The following SUMF1 variants were observed in gnomAD, a reference collection of about 807,000 sequenced individuals.
SUMF1 encodes formylglycine-generating enzyme.
In SUMF1, 48 loss-of-function variants were observed where a neutral mutation model predicts 47.6. That is an observed-to-expected ratio of 1.01 (90% confidence interval 0.80 to 1.28). The LOEUF is 1.28. Ranked by LOEUF, SUMF1 falls within the 50% of genes most tolerant of loss-of-function variation. The pLI is 0.00. For synonymous variants in SUMF1, 230 were observed against 192.1 expected (o/e 1.20, Z -1.63); for missense variants, 571 against 485.4 (o/e 1.18, Z -1.66).
intron 8 of SUMF1, among the ~76,000 whole-genome samples, chr3:4,185,691 A>C (rs1204941056): frequency 1.3e-5 from 2 of 152,216 alleles, no homozygotes; most frequent in African/African-American, 4.8e-5. Flanking sequence ...ATTATAAATT[A>C]ATAGATCAAT....
chr3:4,136,014 T>C (rs1428162642), intron 8 of SUMF1, among the ~76,000 whole-genome samples: 3 of 151,938 alleles, frequency 2.0e-5, no homozygotes, highest in Non-Finnish European at 2.9e-5. Flanking sequence ...TGCTCATGAG[T>C]AGGAACAATC....
chr3:4,464,412 TTGTG>T (rs10667318), intron 1 of SUMF1, among the ~76,000 whole-genome samples: 39 of 150,616 alleles, frequency 2.6e-4, no homozygotes, highest in African/African-American at 4.1e-4. Flanking sequence ...CTGTGTGTGT[TTGTG>T]TGTGTGTGTG....
At chr3:4,405,954 C>G (rs1559278500) in intron 7 of SUMF1, among the ~76,000 whole-genome samples, 1 of 152,126 alleles carries the variant, frequency 6.6e-6, no homozygotes, top group Non-Finnish European at 1.5e-5. Context: ...GATAAGCCAA[C>G]AAAAGGTAAG....
intron 8 of SUMF1, among the ~76,000 whole-genome samples, chr3:4,269,991 C>G (rs1697271943): frequency 6.6e-6 from 1 of 152,118 alleles, no homozygotes; most frequent in Admixed American, 6.6e-5. Context: ...ATGTCCTAAG[C>G]TTTTTACAGC....
At chr3:4,136,558 T>A (rs1185465003) in intron 8 of SUMF1, among the ~76,000 whole-genome samples, 3 of 152,000 alleles carry the variant, frequency 2.0e-5, no homozygotes, top group Non-Finnish European at 4.4e-5. Flanking sequence ...GACATAGGCA[T>A]GGGCAAGGAC....
intron 8 of SUMF1, among the ~76,000 whole-genome samples, chr3:4,156,315 C>A (rs950155042): frequency 1.3e-5 from 2 of 151,546 alleles, no homozygotes; most frequent in African/African-American, 2.4e-5. Context: ...CTCCTGCCAA[C>A]ACTCCTGTAC....
In SUMF1 at chr3:4,143,722, C is replaced by G. The variant is rs80043066; in HGVS notation, c.1015-74977G>C. 1.2e-3 allele frequency among the ~76,000 whole-genome samples: 178 copies of G among 152,168 alleles called. 3 individuals are homozygous for G. The Middle Eastern group carries it at 0.014, about 12-fold the overall frequency. On this transcript the variant is annotated intron_variant and NMD_transcript_variant, in intron 8 of 12. Coordinates refer to the SUMF1 transcript ENST00000448413. Reference sequence around the variant, plus strand: ...AAACTAGGCCCAGGGAGTTAGGTAACTTTCCCAAGGTCATAAAGCTAAGTG... The same window carrying G: ...AAACTAGGCCCAGGGAGTTAGGTAAGTTTCCCAAGGTCATAAAGCTAAGTG...
In SUMF1 at chr3:4,461,483, C is replaced by T. The variant is rs73807250; in HGVS notation, c.270+5493G>A. The stretch of plus-strand genomic sequence containing the variant: ...CTGTTAGGAGAACAGTTGCTCATCC[C>T]TCAGCTCAAAGGACCACAGGAAGCT... On this transcript the variant is annotated intron_variant, in intron 1 of 8. Transcript: ENST00000272902. 2.4e-3 allele frequency among the ~76,000 whole-genome samples: 364 copies of T among 152,338 alleles called. 2 individuals are homozygous for T. Among genetic ancestry groups the T allele is most frequent in the African/African-American group, 8.3e-3 (347 of 41,578 alleles).
Position 4,102,313 on chromosome 3 carries a change from T to C in SUMF1, c.1015-33568A>G, listed in dbSNP as rs141280318. On this transcript the variant is annotated intron_variant and NMD_transcript_variant, in intron 8 of 12. Transcript: ENST00000448413. ...AAAAGTTTAATATTAGAAGATGTTT[T>C]CTCTGGAAAGCTGTGACAAACAGGT... Among the ~76,000 whole-genome samples the C allele has an allele frequency of 5.1e-4, 78 of 152,302 alleles. No homozygotes were observed. The East Asian group carries it at 0.013, about 25-fold the overall frequency.
At chr3:4,125,283 C>G (rs764463099) in intron 8 of SUMF1, among the ~76,000 whole-genome samples, 1 of 152,000 alleles carries the variant, frequency 6.6e-6, no homozygotes, top group Non-Finnish European at 1.5e-5. Context: ...TACATGTTAC[C>G]GGTTATTACT....
At chr3:4,395,788 C>A (rs1333015356) in intron 7 of SUMF1, among the ~76,000 whole-genome samples, 1 of 152,208 alleles carries the variant, frequency 6.6e-6, no homozygotes, top group Non-Finnish European at 1.5e-5. Context: ...CACTTTCAGA[C>A]CCCAAAGTCT....
chr3:4,240,874 C>A (rs1035948067), intron 8 of SUMF1, among the ~76,000 whole-genome samples: 1 of 151,504 alleles, frequency 6.6e-6, no homozygotes, highest in African/African-American at 2.4e-5. Flanking sequence ...TTTTTTCCTA[C>A]GGAACTGAAG....
At chr3:4,143,436 C>G (rs1341212313) in intron 8 of SUMF1, among the ~76,000 whole-genome samples, 1 of 151,972 alleles carries the variant, frequency 6.6e-6, no homozygotes, top group Non-Finnish European at 1.5e-5. Context: ...ATGAGAAGGT[C>G]AGATAGTAGG....
chr3:4,434,568 G>C (rs1379045707), intron 3 of SUMF1, among the ~76,000 whole-genome samples: 1 of 152,072 alleles, frequency 6.6e-6, no homozygotes, highest in Non-Finnish European at 1.5e-5. Context: ...TTACTAAAAG[G>C]CCTTCTATGT....
At chr3:4,125,914 T>A (rs909067673) in intron 8 of SUMF1, among the ~76,000 whole-genome samples, 3 of 152,164 alleles carry the variant, frequency 2.0e-5, no homozygotes. Context: ...TGGGCTCAAG[T>A]GATCCTCCCA....
intron 3 of SUMF1, among the ~76,000 whole-genome samples, chr3:4,426,336 C>A (rs556751987): frequency 1.4e-4 from 22 of 152,270 alleles, no homozygotes; most frequent in Non-Finnish European, 1.3e-4. Context: ...ATCAAAGTCA[C>A]CCCACAACTG....
intron 8 of SUMF1, among the ~76,000 whole-genome samples, chr3:4,227,406 A>AAAATAACTGC (rs1443616858): frequency 1.3e-5 from 2 of 152,068 alleles, no homozygotes; most frequent in Non-Finnish European, 2.9e-5. Context: ...GCTATGAAGA[A>AAAATAACTGC]AAATAACTGC....
intron 8 of SUMF1, among the ~76,000 whole-genome samples, chr3:4,108,484 C>T (rs1693210900): frequency 1.3e-5 from 2 of 151,994 alleles, no homozygotes; most frequent in South Asian, 2.1e-4. Flanking sequence ...TCCTTGTTAA[C>T]TTTCTGTCTT....
intron 8 of SUMF1, among the ~76,000 whole-genome samples, chr3:4,108,419 T>TATATAC (rs1693208514): frequency 6.6e-6 from 1 of 152,062 alleles, no homozygotes; most frequent in South Asian, 2.1e-4. Context: ...GGTGGAGAGT[T>TATATAC]CTGTATATGT....
Sources: gnomAD v4.1 joint callset for allele counts (sites outside exome capture counted in the v4.1 genomes callset) on GRCh38, gnomAD v4.1.1 for gene constraint, MANE v1.5 for transcripts, NCBI Gene and HGNC (gene_info 2026-07-23, HGNC 2026-07-21) for gene names.